The following STRIP2 variants were observed in gnomAD, a reference collection of about 807,000 sequenced individuals.
STRIP2 encodes the protein striatin interacting protein 2.
In STRIP2, 84 loss-of-function variants were observed where a neutral mutation model predicts 107.1. The observed-to-expected ratio is 0.78, with a 90% CI of 0.66 to 0.94. The LOEUF is 0.94. STRIP2 is among the 40% of genes least tolerant of loss of function. The probability of loss-of-function intolerance (pLI) is 0.00; values close to 1 mark genes in which losing one functional copy is unlikely to be tolerated. For missense variants in STRIP2, 888 were observed against 1,034.2 expected, an observed-to-expected ratio of 0.86 and a Z score of 1.94; for synonymous variants, 394 against 400.4, an observed-to-expected ratio of 0.98 and a Z score of 0.19.
At chr7:129,473,531 C>T (rs1798842548) in intron 18 of STRIP2, among the ~76,000 whole-genome samples, 1 of 151,956 alleles carries the variant, frequency 6.6e-6, no homozygotes, top group Non-Finnish European at 1.5e-5. Context: ...GCTACCATGC[C>T]AGGCTAATTT....
chr7:129,474,348 C>A (rs971524272), intron 18 of STRIP2, among the ~76,000 whole-genome samples: 1 of 152,006 alleles, frequency 6.6e-6, no homozygotes, highest in African/African-American at 2.4e-5. Context: ...ATAAAATCTC[C>A]CTAGAGACAG....
At position 129,463,115 on chromosome 7, in the gene STRIP2, C is replaced by A. The variant is rs574448633; in HGVS notation, c.1551+75C>A. The A allele has an allele frequency of 2.3e-5, 28 of 1,222,384 alleles. No individual in the cohort carries two copies. In the East Asian group the frequency reaches 6.6e-4, roughly 29 times the overall value. 75.7% of individuals were successfully genotyped at this position (1,222,384 alleles called of 1,614,324 possible). On this transcript the variant is annotated intron_variant, in intron 14 of 20. Transcript: ENST00000249344. ...ACAGCTAAAAACCATTTCAAGTGGA[C>A]CTGTCCAACACTTGAGCTTGTTTCC...
chr7:129,480,889 G>T lies in STRIP2; in HGVS notation c.2049G>T (p.Met683Ile). 6.2e-7 allele frequency: 1 copy of T among 1,607,582 alleles called. No homozygotes were observed. The highest frequency in any genetic ancestry group is 8.5e-7 in the Non-Finnish European group (1 of 1,177,794). ...CCAAATGGAAACATTCCCGGACCAT[G>T]GTGAGTGTGGTTTTTTACATCATGG... ...KLTKWKHSRT[M>I]MLVVFKSAPI... The change falls in exon 19 of 21, where the codon ATG (methionine) becomes ATT (isoleucine). Residue 683 changes from methionine (M) to isoleucine (I), a missense_variant and splice_region_variant. Transcript: ENST00000249344.
rs750210187 is a variant in STRIP2, at chr7:129,456,637, C to T, written c.1033C>T (p.Arg345Ter). Residue 345 changes from arginine (R) to a stop codon, truncating the protein, a stop_gained, in exon 9 of 21, where the codon CGA (arginine) becomes TGA (stop). Transcript: ENST00000249344. LOFTEE classifies it high-confidence loss of function. ...PSKLRGRRGS[R>*]RQLLTKQDSL... ...CAAGCTGCGAGGCCGCCGTGGCTCT[C>T]GAAGGGTATGGACTGAAGCAGACAA... 2 of 1,613,730 alleles carry T rather than the reference C, an allele frequency of 1.2e-6. No individual in the cohort carries two copies. Among genetic ancestry groups the T allele is most frequent in the Non-Finnish European group, 1.7e-6 (2 of 1,179,894 alleles).
At chr7:129,454,838 G>A (rs936024469) in intron 7 of STRIP2, among the ~76,000 whole-genome samples, 1 of 152,178 alleles carries the variant, frequency 6.6e-6, no homozygotes, top group Admixed American at 6.5e-5. Flanking sequence ...GAATCACCTT[G>A]AAAACTGAGT....
intron 17 of STRIP2, among the ~76,000 whole-genome samples, chr7:129,469,649 C>G (rs1562912185): frequency 6.6e-6 from 1 of 152,210 alleles, no homozygotes; most frequent in Non-Finnish European, 1.5e-5. Context: ...ACTGCCCTCT[C>G]CCAAGCTGAC....
At chr7:129,459,477 C>CT in intron 11 of STRIP2, 40 bp from the exon 12 acceptor site, 1 of 1,583,530 alleles carries the variant, frequency 6.3e-7, no homozygotes, top group Non-Finnish European at 8.7e-7. Context: ...AGTTCTCGTA[C>CT]TTTGGAAGCT....
chr7:129,472,161 T>C (rs1798803321), intron 18 of STRIP2, among the ~76,000 whole-genome samples: 1 of 152,224 alleles, frequency 6.6e-6, no homozygotes. Context: ...GAATGAAGAA[T>C]ACATTTTCCA....
At chr7:129,443,895 A>G in intron 2 of STRIP2, 129 bp from the exon 3 acceptor site, 1 of 712,966 alleles carries the variant, frequency 1.4e-6, no homozygotes, top group Non-Finnish European at 2.5e-6. Flanking sequence ...GAAAAGGAGG[A>G]AGCTAGCTTT....
chr7:129,463,052 G>A lies in STRIP2; in HGVS notation c.1551+12G>A, dbSNP rs1213961710. ...TTCCGCAGTATATGGTAAGGAGATG[G>A]CTAGGCCAGAGCTGCCCTTCTCTGC... On this transcript the variant is annotated intron_variant, in intron 14 of 20. Transcript: ENST00000249344. 4 of 1,608,382 alleles carry A rather than the reference G, an allele frequency of 2.5e-6. No individual in the cohort carries two copies. Among genetic ancestry groups the A allele is most frequent in the Non-Finnish European group, 3.4e-6 (4 of 1,176,354 alleles).
chr7:129,449,922 A>G (rs1267850787), intron 3 of STRIP2, among the ~76,000 whole-genome samples: 1 of 152,204 alleles, frequency 6.6e-6, no homozygotes, highest in Non-Finnish European at 1.5e-5. Flanking sequence ...TTGTCCACTG[A>G]ACTTCGGAGC....
chr7:129,441,918 A>G (rs1207595145), intron 2 of STRIP2, among the ~76,000 whole-genome samples: 1 of 152,204 alleles, frequency 6.6e-6, no homozygotes, highest in Non-Finnish European at 1.5e-5. Context: ...ACCTGGCCTC[A>G]ACATGTTTCA....
At position 129,458,049 on chromosome 7, in the gene STRIP2, C is replaced by T. The variant is rs1279344178; in HGVS notation, c.1039-166C>T. ...AGAACTTCTTGTCCTGTTATTGGGC[C>T]GGGTGGGGACAGTAGGTTAAGGTGG... On this transcript the variant is annotated intron_variant, in intron 9 of 20. Transcript: ENST00000249344. This position sits in a 1 kb window ranked among gnomAD's most constrained non-coding sequence, Gnocchi z 4.6. The T allele has an allele frequency of 1.0e-5, 7 of 678,116 alleles. No individual in the cohort carries two copies. The highest frequency in any genetic ancestry group is 3.2e-5 in the South Asian group (2 of 61,722). The allele number at this position is 678,116 out of a possible 1,614,324, so 42.0% of individuals were successfully genotyped here. A position where few individuals can be genotyped will look rare whatever the true frequency, so the allele number is the denominator to read the frequency against.
At position 129,455,582 on chromosome 7, in the gene STRIP2, G is replaced by A. The variant is rs144781552; in HGVS notation, c.834+211G>A. On this transcript the variant is annotated intron_variant, in intron 8 of 20. Transcript: ENST00000249344. ...TCATGTTTCTATTGGATGGATGGGA[G>A]ATGCCACTCCATAAATTGGGGATGT... Among the ~76,000 whole-genome samples, 175 of 152,314 alleles carry A rather than the reference G, an allele frequency of 1.1e-3. 2 individuals carry two copies. In the East Asian group the frequency reaches 0.015, roughly 13 times the overall value.
In STRIP2 at chr7:129,464,138, T is replaced by C; in HGVS notation, c.1646T>C (p.Met549Thr). The C allele has an allele frequency of 6.2e-7, 1 of 1,610,152 alleles. No homozygotes were observed. ...CTGGCAGATGTCCTACCTGAGGAGA[T>C]GCCGTGAGTGCTTCAACGGGGGCAG... is the stretch of plus-strand genomic sequence containing the variant. The part of the protein sequence containing the change: ...NILADVLPEE[M>T]PITVLQSMKL... Residue 549 changes from methionine to threonine, a missense_variant, in exon 15 of 21, where the codon ATG (methionine) becomes ACG (threonine). Transcript: ENST00000249344.
chr7:129,455,104 C>G, intron 7 of STRIP2, 140 bp from the exon 8 acceptor site: 1 of 1,070,062 alleles, frequency 9.3e-7, no homozygotes. Flanking sequence ...GGGGCTAAGC[C>G]TCCTTCTCAG....
At position 129,464,038 on chromosome 7, in the gene STRIP2, T is replaced by G; in HGVS notation, c.1552-6T>G. 6.2e-7 allele frequency: 1 copy of G among 1,612,414 alleles called. No individual in the cohort carries two copies. The highest frequency in any genetic ancestry group is 8.5e-7 in the Non-Finnish European group (1 of 1,179,022). ...GTGGTAAATTTCTTTATTTTCTACT[T>G]CTCAGATCGCTCTGCTTAAGATTCT... On this transcript the variant is annotated splice_region_variant and splice_polypyrimidine_tract_variant and intron_variant, in intron 14 of 20. Coordinates refer to ENST00000249344, the MANE Select transcript of STRIP2 (RefSeq NM_020704.3).
chr7:129,473,893 A>G (rs1017600264), intron 18 of STRIP2, among the ~76,000 whole-genome samples: 19 of 150,660 alleles, frequency 1.3e-4, no homozygotes, highest in African/African-American at 4.1e-4. Flanking sequence ...AATTTTTTGT[A>G]TTTTTAGTAG....
intron 17 of STRIP2, 88 bp downstream of exon 17, chr7:129,467,538 G>T: frequency 1.2e-6 from 1 of 861,166 alleles, no homozygotes; most frequent in South Asian, 1.6e-5. Flanking sequence ...AGTTTTCCTG[G>T]TGTCCCTAGT....
Sources: gnomAD v4.1 joint callset for allele counts (sites outside exome capture counted in the v4.1 genomes callset) on GRCh38, gnomAD v4.1.1 for gene constraint, Gnocchi (gnomAD v3.1) non-coding constraint, MANE v1.5 for transcripts, NCBI Gene and HGNC (gene_info 2026-07-23, HGNC 2026-07-21) for gene names.